Variants in WDPCP observed in about 807,000 individuals in gnomAD.
The protein encoded by WDPCP is WD repeat containing planar cell polarity effector, also known as WD repeat-containing and planar cell polarity effector protein fritz homolog.
WDPCP carries 71 observed loss-of-function variants against 93.1 expected under a neutral mutation model. The observed-to-expected ratio is 0.76, with a 90% CI of 0.63 to 0.93. WDPCP has a LOEUF of 0.93. Ranked by LOEUF, WDPCP falls within the 40% of genes least tolerant of loss-of-function variation. WDPCP has a pLI of 0.00. For missense variants in WDPCP, 844 were observed against 887.4 expected (o/e 0.95, Z 0.62); for synonymous variants, 315 against 315.0 (o/e 1.00, Z 0.00).
chr2:63,340,454 C>A (rs1375687207), intron 12 of WDPCP, among the ~76,000 whole-genome samples: 3 of 152,186 alleles, frequency 2.0e-5, no homozygotes, highest in Non-Finnish European at 4.4e-5. Context: ...TGCCTACCTA[C>A]TCTGTCTCTG....
intron 1 of WDPCP, among the ~76,000 whole-genome samples, chr2:63,522,190 C>G (rs549128258): frequency 5.9e-5 from 9 of 152,028 alleles, no homozygotes; most frequent in African/African-American, 2.2e-4. Context: ...TCTAGCCCCC[C>G]ACCCCCCGGC....
At chr2:63,296,762 A>G (rs1162258024) in intron 13 of WDPCP, among the ~76,000 whole-genome samples, 1 of 152,128 alleles carries the variant, frequency 6.6e-6, no homozygotes, top group Non-Finnish European at 1.5e-5. Context: ...TACAAGGAGA[A>G]CCACAAATGC....
chr2:63,755,195 G>C (rs1669944296), intron 2 of WDPCP, among the ~76,000 whole-genome samples: 1 of 152,146 alleles, frequency 6.6e-6, no homozygotes, highest in South Asian at 2.1e-4. Context: ...GCACTATCTT[G>C]TTCGTTACAC....
chr2:63,762,272 G>A (rs1670067217), intron 2 of WDPCP, among the ~76,000 whole-genome samples: 1 of 152,160 alleles, frequency 6.6e-6, no homozygotes, highest in South Asian at 2.1e-4. Context: ...GAGGATGGAT[G>A]CCTTTTTCTA....
At chr2:63,155,714 G>A (rs1672194383) in intron 15 of WDPCP, among the ~76,000 whole-genome samples, 1 of 152,158 alleles carries the variant, frequency 6.6e-6, no homozygotes, top group Admixed American at 6.5e-5. Context: ...TTTACTAAAT[G>A]GCCCTTCACA....
chr2:63,306,928 A>C (rs973989176), intron 13 of WDPCP, among the ~76,000 whole-genome samples: 2 of 152,206 alleles, frequency 1.3e-5, no homozygotes, highest in Non-Finnish European at 2.9e-5. Context: ...AGGGCAATCA[A>C]ATAGGAAGAG....
chr2:63,383,140 A>C (rs1394971478), intron 10 of WDPCP, among the ~76,000 whole-genome samples: 1 of 152,160 alleles, frequency 6.6e-6, no homozygotes, highest in Non-Finnish European at 1.5e-5. Flanking sequence ...AGAAAATCTT[A>C]AAAGGCAACC....
chr2:63,650,867 T>A (rs1446263458), intron 2 of WDPCP: 1 of 152,186 alleles, frequency 6.6e-6, no homozygotes. Flanking sequence ...ATTACAATTG[T>A]AGTATTGTTA....
chr2:63,548,134 AT>A (rs1212196226), intron 1 of WDPCP, among the ~76,000 whole-genome samples: 1 of 152,082 alleles, frequency 6.6e-6, no homozygotes, highest in East Asian at 1.9e-4. Flanking sequence ...GCAATCCCAA[AT>A]TTTTTTAAAA....
At chr2:63,513,529 TC>T (rs1350769882) in intron 1 of WDPCP, among the ~76,000 whole-genome samples, 1 of 151,858 alleles carries the variant, frequency 6.6e-6, no homozygotes, top group Non-Finnish European at 1.5e-5. Flanking sequence ...CTCCTCTTTT[TC>T]CCCCAAAAGT....
At chr2:63,411,088 C>T (rs1675903769) in intron 9 of WDPCP, among the ~76,000 whole-genome samples, 1 of 152,164 alleles carries the variant, frequency 6.6e-6, no homozygotes, top group Admixed American at 6.5e-5. Context: ...AATACACATT[C>T]TATTCAACAG....
chr2:63,630,035 A>G (rs1209946211), intron 3 of WDPCP, among the ~76,000 whole-genome samples: 2 of 152,368 alleles, frequency 1.3e-5, no homozygotes, highest in Non-Finnish European at 1.5e-5. Flanking sequence ...AAATGCTTCA[A>G]TGAGAAATTA....
the WDPCP span, among the ~76,000 whole-genome samples, chr2:63,835,032 T>C: frequency 6.7e-6 from 1 of 150,044 alleles, no homozygotes; most frequent in Non-Finnish European, 1.5e-5. Context: ...ACTATCTGGA[T>C]TTTTTTTTTA....
chr2:63,350,016 C>T (rs1310382760), intron 12 of WDPCP, among the ~76,000 whole-genome samples: 1 of 152,058 alleles, frequency 6.6e-6, no homozygotes, highest in Non-Finnish European at 1.5e-5. Context: ...GCACTATTCA[C>T]AACAGCAAAG....
At chr2:63,269,517 T>C (rs1682447183) in intron 13 of WDPCP, among the ~76,000 whole-genome samples, 1 of 152,130 alleles carries the variant, frequency 6.6e-6, no homozygotes, top group African/African-American at 2.4e-5. Context: ...GCTACCAGAA[T>C]GAATATGCAA....
chr2:63,381,467 G>A (rs1692302418), intron 11 of WDPCP, among the ~76,000 whole-genome samples: 1 of 151,982 alleles, frequency 6.6e-6, no homozygotes, highest in Admixed American at 6.6e-5. Flanking sequence ...AAAAAAGGAA[G>A]TGTTAAGGAC....
intron 2 of WDPCP, among the ~76,000 whole-genome samples, chr2:63,651,522 G>A (rs1710109534): frequency 6.6e-6 from 1 of 151,942 alleles, no homozygotes; most frequent in South Asian, 2.1e-4. Flanking sequence ...AATGTGCAAT[G>A]TGGGGGCTGG....
Position 63,202,942 on chromosome 2 carries a change from T to C in WDPCP, c.1916-28110A>G, listed in dbSNP as rs528720746. 6.6e-5 allele frequency among the ~76,000 whole-genome samples: 10 copies of C among 152,320 alleles called. No homozygotes were observed. In the South Asian group the frequency reaches 1.9e-3, roughly 28 times the overall value. ...TAATCTGAACTTTTTATAAGTGAGT[T>C]CAGCCCATTTACATTCATTGATAAG... On this transcript the variant is annotated intron_variant, in intron 14 of 17. Transcript: ENST00000272321.
chr2:63,833,423 G>C, the WDPCP span, among the ~76,000 whole-genome samples: 1 of 152,040 alleles, frequency 6.6e-6, no homozygotes, highest in East Asian at 1.9e-4. Context: ...TAAAAAAAAA[G>C]ACCTATTTTC....
Sources: allele counts gnomAD v4.1 joint callset (sites outside exome capture counted in the v4.1 genomes callset), GRCh38; gene constraint gnomAD v4.1.1; transcripts MANE v1.5; gene names NCBI Gene and HGNC (gene_info 2026-07-23, HGNC 2026-07-21).